DIP2B: variants seen among roughly 807,000 people sequenced by gnomAD.
The protein encoded by DIP2B is disco-interacting protein 2 homolog B.
In DIP2B, 76 loss-of-function variants were observed where a neutral mutation model predicts 198.0. That is an observed-to-expected ratio of 0.38 (90% CI 0.32 to 0.46). The LOEUF (loss-of-function observed/expected upper bound fraction) is 0.46. Among genes scored for constraint, DIP2B ranks in the 20% least tolerant of loss-of-function variants. DIP2B has a pLI of 0.99. For missense variants in DIP2B, 1,559 were observed against 1,978.4 expected, an observed-to-expected ratio of 0.79 and a Z score of 4.02; for synonymous variants, 701 against 739.1, an observed-to-expected ratio of 0.95 and a Z score of 0.84.
chr12:50,631,256 CT>C (rs1162561392), intron 2 of DIP2B, among the ~76,000 whole-genome samples: 2 of 150,968 alleles, frequency 1.3e-5, no homozygotes, highest in African/African-American at 4.9e-5. Context: ...GAGACGGAGT[CT>C]CCCTCTGTCG....
chr12:50,635,365 T>C (rs1183094977), intron 2 of DIP2B, among the ~76,000 whole-genome samples: 7 of 152,254 alleles, frequency 4.6e-5, no homozygotes, highest in African/African-American at 1.4e-4. Flanking sequence ...GATTCCTGCC[T>C]ACTTATTTTT....
intron 36 of DIP2B, among the ~76,000 whole-genome samples, chr12:50,740,580 G>A (rs185386272): frequency 1.1e-4 from 17 of 152,318 alleles, no homozygotes; most frequent in Admixed American, 7.8e-4. Context: ...AGCTCACCAG[G>A]TGATGGGAGC....
At chr12:50,709,168 T>C (rs1400875801) in intron 22 of DIP2B, among the ~76,000 whole-genome samples, 3 of 152,370 alleles carry the variant, frequency 2.0e-5, no homozygotes, top group South Asian at 4.1e-4. Flanking sequence ...GCAAGTCATT[T>C]AACCTCACTG....
At chr12:50,555,670 T>C (rs1264084040) in intron 1 of DIP2B, among the ~76,000 whole-genome samples, 1 of 152,102 alleles carries the variant, frequency 6.6e-6, no homozygotes, top group Non-Finnish European at 1.5e-5. Flanking sequence ...CCTCATCTTG[T>C]TCCAAGCCCA....
intron 4 of DIP2B, 70 bp from the exon 5 acceptor site, chr12:50,671,116 A>T: frequency 1.4e-6 from 2 of 1,468,012 alleles, no homozygotes; most frequent in Non-Finnish European, 1.9e-6. Flanking sequence ...ATGTGTGATC[A>T]ATGAGCAAGA....
chr12:50,582,145 GTTTTTTTTTTTT>G (rs367699036), intron 1 of DIP2B, among the ~76,000 whole-genome samples: 2 of 77,552 alleles, frequency 2.6e-5, no homozygotes, highest in Non-Finnish European at 4.6e-5. Flanking sequence ...CTTTTTTTCT[GTTTTTTTTTTTT>G]TTTTTTTTTT....
rs775378885 is a variant in DIP2B, at chr12:50,675,366, G to A, written c.834G>A (p.Gln278=). The change falls in exon 7 of 38, where the codon CAG becomes CAA. Residue 278 remains glutamine, a synonymous_variant. Transcript: ENST00000301180. ...GTAGCAGAGTATCTACAAAAATCCA[G>A]CAGCTTCTGAACACTCTGAAACGAC... ...PVSSRVSTKI[Q]QLLNTLKRPK... 5.0e-6 allele frequency: 8 copies of A among 1,613,034 alleles called. No individual in the cohort carries two copies. The African/African-American group carries it at 9.3e-5, about 19-fold the overall frequency.
chr12:50,576,081 T>G (rs1008573048), intron 1 of DIP2B, among the ~76,000 whole-genome samples: 2 of 151,222 alleles, frequency 1.3e-5, no homozygotes, highest in Admixed American at 1.3e-4. Context: ...TCACTTTTTT[T>G]TTTTTGAGAC....
At chr12:50,678,575 A>G (rs776116450) in intron 7 of DIP2B, 104 bp from the exon 8 acceptor site, 12 of 1,251,930 alleles carry the variant, frequency 9.6e-6, no homozygotes, top group Non-Finnish European at 1.3e-5. Context: ...AGTTTAAACC[A>G]GGTAAATATG....
chr12:50,582,973 A>G (rs1467557815), intron 1 of DIP2B, among the ~76,000 whole-genome samples: 2 of 152,206 alleles, frequency 1.3e-5, no homozygotes, highest in Admixed American at 1.3e-4. Flanking sequence ...TACCTAGATT[A>G]GAATTACAAA....
chr12:50,609,218 T>A (rs1340269096), intron 1 of DIP2B, among the ~76,000 whole-genome samples: 1 of 152,204 alleles, frequency 6.6e-6, no homozygotes, highest in Non-Finnish European at 1.5e-5. Context: ...AAGAGTTAAA[T>A]TAGCTTTTAA....
Position 50,748,494 on chromosome 12 carries a change from G to A in DIP2B, c.*3655G>A, listed in dbSNP as rs981986033. 6.6e-6 allele frequency: 1 copy of A among 152,592 alleles called. No individual in the cohort carries two copies. Among genetic ancestry groups the A allele is most frequent in the African/African-American group, 2.4e-5 (1 of 41,428 alleles). The allele number at this position is 152,592 out of a possible 1,614,324, so 9.5% of individuals were successfully genotyped here. ...ACTTTCTGTCAAGATATTTACCCGT[G>A]TCAAATTCAAACTACAGTACTGTGT... On this transcript the variant is annotated 3_prime_UTR_variant, in exon 38 of 38. Transcript: ENST00000301180.
intron 1 of DIP2B, among the ~76,000 whole-genome samples, chr12:50,557,267 T>C (rs1434304159): frequency 6.6e-6 from 1 of 152,156 alleles, no homozygotes; most frequent in Non-Finnish European, 1.5e-5. Flanking sequence ...AGTGGGAAGC[T>C]CTGAAATGAT....
Position 50,728,617 on chromosome 12 carries a change from C to G in DIP2B, c.3580C>G (p.Gln1194Glu). ...KLQCELYSSR[Q>E]IAICLDPYCG... ...CCAGTGTGAGTTGTACTCTTCTCGGCAGATCGCCATCTGCCTTGACCCTTA... is the reference window on the plus strand; with the variant it reads ...CCAGTGTGAGTTGTACTCTTCTCGGGAGATCGCCATCTGCCTTGACCCTTA... The change falls in exon 30 of 38, where the codon CAG becomes GAG. Residue 1194 changes from glutamine (Q) to glutamate (E), a missense_variant. Gln to Glu is a conservative substitution (Grantham distance 29, BLOSUM62 2). Transcript: ENST00000301180. The G allele has an allele frequency of 6.2e-7, 1 of 1,614,162 alleles. No individual in the cohort carries two copies. The highest frequency in any genetic ancestry group is 8.5e-7 in the Non-Finnish European group (1 of 1,180,026).
chr12:50,659,065 C>T (rs748767862), intron 3 of DIP2B, among the ~76,000 whole-genome samples: 18 of 152,090 alleles, frequency 1.2e-4, no homozygotes, highest in African/African-American at 3.9e-4. Flanking sequence ...CCAGCCTGGG[C>T]GACAGAGCGA....
chr12:50,740,967 G>A (rs569202359), intron 36 of DIP2B, among the ~76,000 whole-genome samples: 6 of 152,198 alleles, frequency 3.9e-5, no homozygotes, highest in Middle Eastern at 6.8e-3. Context: ...GATGTCCTCT[G>A]CCCCTCCGAA....
At chr12:50,613,481 G>T (rs756598047) in intron 1 of DIP2B, among the ~76,000 whole-genome samples, 19 of 152,104 alleles carry the variant, frequency 1.2e-4, no homozygotes, top group Admixed American at 3.9e-4. Context: ...CCTCCCTACC[G>T]ATCCTTACCC....
rs766316565 is a variant in DIP2B at position 50,552,887 on chromosome 12, C to CT, written c.100+47649dup. Among the ~76,000 whole-genome samples, 6 of 152,034 alleles carry CT rather than the reference C, an allele frequency of 3.9e-5. No individual in the cohort carries two copies. In the South Asian group the frequency reaches 6.2e-4, roughly 16 times the overall value. ...TTATTTATTTATTTTTTCCCAGAGT[C>CT]TTCAGTGGTGCAATCTTGGCTCACT... is the stretch of plus-strand genomic sequence containing the variant. On this transcript the variant is annotated intron_variant, in intron 1 of 37. Coordinates refer to ENST00000301180, the MANE Select transcript of DIP2B (RefSeq NM_173602.3).
intron 4 of DIP2B, among the ~76,000 whole-genome samples, chr12:50,663,882 A>AAAAAAAAAAAAAGC (rs1938700266): frequency 6.6e-6 from 1 of 151,186 alleles, no homozygotes; most frequent in Non-Finnish European, 1.5e-5. Context: ...TAAAAAAAAA[A>AAAAAAAAAAAAAGC]AAAAAAAAAA....
Sources: allele counts gnomAD v4.1 joint callset (sites outside exome capture counted in the v4.1 genomes callset), GRCh38; gene constraint gnomAD v4.1.1; transcripts MANE v1.5; gene names NCBI Gene and HGNC (gene_info 2026-07-23, HGNC 2026-07-21).